The following MCF2L2 variants were observed in gnomAD, a reference collection of about 807,000 sequenced individuals.
The protein encoded by MCF2L2 is probable guanine nucleotide exchange factor MCF2L2.
In MCF2L2, 102 loss-of-function variants were observed where a neutral mutation model predicts 150.2. The ratio of observed to expected loss-of-function variants is 0.68; its 90% CI spans 0.58 to 0.80. The LOEUF (loss-of-function observed/expected upper bound fraction) is 0.80, where lower values mean the gene tolerates loss of function less well. Ranked by LOEUF, MCF2L2 falls within the 30% of genes least tolerant of loss-of-function variation. The probability of loss-of-function intolerance (pLI) is 0.00; values close to 1 mark genes in which losing one functional copy is unlikely to be tolerated. For synonymous variants in MCF2L2, 465 were observed against 491.3 expected, an observed-to-expected ratio of 0.95 and a Z score of 0.71; for missense variants, 1,256 against 1,372.8, an observed-to-expected ratio of 0.91 and a Z score of 1.34.
chr3:183,377,473 A>C (rs1713254684), intron 3 of MCF2L2: 1 of 152,228 alleles, frequency 6.6e-6, no homozygotes, highest in Non-Finnish European at 1.5e-5. Context: ...ATCAAAACTG[A>C]AAACTCTACC....
chr3:183,417,257 G>A (rs1715648345), intron 1 of MCF2L2, among the ~76,000 whole-genome samples: 1 of 151,918 alleles, frequency 6.6e-6, no homozygotes, highest in Non-Finnish European at 1.5e-5. Flanking sequence ...ACACTGGGGG[G>A]TACTGGAACC....
intron 1 of MCF2L2, among the ~76,000 whole-genome samples, chr3:183,402,562 G>C (rs1035739803): frequency 2.6e-5 from 4 of 151,654 alleles, no homozygotes; most frequent in African/African-American, 9.7e-5. Flanking sequence ...AGCACATTGA[G>C]AGGCTGAGGC....
rs568647293 is a variant in MCF2L2, at chr3:183,273,616, A to G, written c.1862+3256T>C. Among the ~76,000 whole-genome samples, 23 of 152,334 alleles carry G rather than the reference A, an allele frequency of 1.5e-4. No homozygotes were observed. In the South Asian group the frequency reaches 4.1e-3, roughly 27 times the overall value. ...CCACAAAATGACGTTTCGGTTAACG[A>G]TGGATCACATATATGATGATAGTCC... On this transcript the variant is annotated intron_variant, in intron 15 of 29. Transcript: ENST00000328913.
At chr3:183,390,188 G>A (rs2108598723) in intron 1 of MCF2L2, among the ~76,000 whole-genome samples, 1 of 152,140 alleles carries the variant, frequency 6.6e-6, no homozygotes, top group East Asian at 1.9e-4. Context: ...TTTCAAAACA[G>A]GTCATAAAAT....
At chr3:183,371,843 T>C (rs905430705) in intron 3 of MCF2L2, among the ~76,000 whole-genome samples, 11 of 152,028 alleles carry the variant, frequency 7.2e-5, no homozygotes, top group African/African-American at 2.4e-4. Context: ...TAGTCACTTA[T>C]GCCTCAGTTT....
chr3:183,385,760 A>C (rs963880904), intron 2 of MCF2L2, among the ~76,000 whole-genome samples: 1 of 152,204 alleles, frequency 6.6e-6, no homozygotes, highest in Admixed American at 6.5e-5. Context: ...CTCCTGTGGC[A>C]GTTAGAAAGC....
chr3:183,221,438 C>T (rs1032617541), intron 20 of MCF2L2, among the ~76,000 whole-genome samples: 1 of 152,186 alleles, frequency 6.6e-6, no homozygotes, highest in Admixed American at 6.5e-5. Flanking sequence ...TGAGTTCACG[C>T]AGCCTGGAAG....
intron 15 of MCF2L2, among the ~76,000 whole-genome samples, chr3:183,248,855 A>T (rs77360546): frequency 5.3e-5 from 8 of 152,260 alleles, no homozygotes; most frequent in South Asian, 2.1e-4. Context: ...GTATATTTTT[A>T]AAAAAAGAAA....
intron 26 of MCF2L2, among the ~76,000 whole-genome samples, chr3:183,193,353 C>CTGTCTTT (rs1721968140): frequency 9.1e-6 from 1 of 109,338 alleles, no homozygotes; most frequent in African/African-American, 5.2e-5. Flanking sequence ...TTTTCTTTTT[C>CTGTCTTT]TTTCTTTTTT....
At chr3:183,396,596 T>G (rs1001958883) in intron 1 of MCF2L2, among the ~76,000 whole-genome samples, 5 of 152,194 alleles carry the variant, frequency 3.3e-5, no homozygotes, top group Non-Finnish European at 5.9e-5. Context: ...TTTGCTGACA[T>G]GAAGGCAAGA....
At chr3:183,397,590 AC>A (rs1714534012) in intron 1 of MCF2L2, among the ~76,000 whole-genome samples, 1 of 152,236 alleles carries the variant, frequency 6.6e-6, no homozygotes, top group African/African-American at 2.4e-5. Context: ...CTAAATTAAA[AC>A]AAAATGAGAT....
intron 3 of MCF2L2, among the ~76,000 whole-genome samples, chr3:183,357,310 CA>C (rs1198935583): frequency 6.6e-6 from 1 of 152,134 alleles, no homozygotes; most frequent in Non-Finnish European, 1.5e-5. Context: ...TAATTTTCAA[CA>C]GAACTACTTC....
chr3:183,386,891 T>C (rs904339525), intron 2 of MCF2L2, among the ~76,000 whole-genome samples: 1 of 152,202 alleles, frequency 6.6e-6, no homozygotes, highest in Non-Finnish European at 1.5e-5. Context: ...GACCCACGGC[T>C]GCCGCTATTC....
chr3:183,296,925 C>T, intron 12 of MCF2L2, 51 bp downstream of exon 12: 3 of 1,559,856 alleles, frequency 1.9e-6, no homozygotes, highest in South Asian at 2.4e-5. Flanking sequence ...CAGTCCCTCC[C>T]TCCCCTATCC....
In MCF2L2 at chr3:183,206,165, A is replaced by G; in HGVS notation, c.2762T>C (p.Phe921Ser). The G allele has an allele frequency of 6.2e-7, 1 of 1,613,994 alleles. No homozygotes were observed. Among genetic ancestry groups the G allele is most frequent in the Non-Finnish European group, 8.5e-7 (1 of 1,179,926 alleles). Residue 921 changes from phenylalanine to serine, a missense_variant, in exon 24 of 30, where the codon TTT becomes TCT. Phe to Ser is a radical substitution (Grantham distance 155). Transcript: ENST00000328913. ...RQLGRGSHRK[F>S]EIASRNGLEK... ...AAGTCCATTTCGACTGGCAATCTCAAACTTTCTATGGCTCCCCCTTCCAAG... is the reference window on the plus strand; with the variant it reads ...AAGTCCATTTCGACTGGCAATCTCAGACTTTCTATGGCTCCCCCTTCCAAG...
rs141017454 is a variant in MCF2L2, at chr3:183,343,638, G to A, written c.276-2008C>T. On this transcript the variant is annotated intron_variant, in intron 3 of 29. Coordinates refer to ENST00000328913, the MANE Select transcript of MCF2L2 (RefSeq NM_015078.4). ...ACCCACCTCAATCCCCAAAGTGCAGGGATTACAGGCGTGAGCCACCATGCC... is the reference window on the plus strand; with the variant it reads ...ACCCACCTCAATCCCCAAAGTGCAGAGATTACAGGCGTGAGCCACCATGCC... Among the ~76,000 whole-genome samples, 10 of 152,110 alleles carry A rather than the reference G, an allele frequency of 6.6e-5. No homozygotes were observed. The East Asian group carries it at 1.5e-3, about 24-fold the overall frequency.
chr3:183,349,478 C>T (rs915314562), intron 3 of MCF2L2, among the ~76,000 whole-genome samples: 5 of 152,088 alleles, frequency 3.3e-5, no homozygotes, highest in Admixed American at 2.6e-4. Flanking sequence ...GCTTAGCTTC[C>T]GAATGTTACT....
intron 1 of MCF2L2, among the ~76,000 whole-genome samples, chr3:183,392,736 A>G (rs1342444832): frequency 6.6e-6 from 1 of 152,146 alleles, no homozygotes; most frequent in Non-Finnish European, 1.5e-5. Context: ...CAGTTGCCTG[A>G]CACTTGTGGT....
intron 1 of MCF2L2, among the ~76,000 whole-genome samples, chr3:183,401,481 T>C (rs895115582): frequency 3.9e-5 from 6 of 152,146 alleles, no homozygotes; most frequent in African/African-American, 1.4e-4. Flanking sequence ...AATGTACAAA[T>C]ATGAAACTAT....
Sources: allele counts gnomAD v4.1 joint callset (sites outside exome capture counted in the v4.1 genomes callset), GRCh38; gene constraint gnomAD v4.1.1; transcripts MANE v1.5; gene names NCBI Gene and HGNC (gene_info 2026-07-23, HGNC 2026-07-21).